The following TRMT9B variants were observed in gnomAD, a reference collection of about 807,000 sequenced individuals.
TRMT9B encodes tRNA methyltransferase 9B (putative).
A neutral mutation model predicts 11.5 loss-of-function variants in TRMT9B; 16 were observed. The observed-to-expected ratio is 1.39, with a 90% CI of 0.94 to 2.11. The LOEUF is 2.11. Among genes scored for constraint, TRMT9B ranks in the 30% most tolerant of loss-of-function variants. The pLI, the probability that TRMT9B is intolerant of heterozygous loss-of-function variation, is 0.00. For missense variants in TRMT9B, 941 were observed against 553.8 expected, an observed-to-expected ratio of 1.70 and a Z score of -7.02; for synonymous variants, 274 against 192.4, an observed-to-expected ratio of 1.42 and a Z score of -3.51.
At chr8:12,962,729 G>T (rs141315735) in intron 1 of TRMT9B, among the ~76,000 whole-genome samples, 1 of 152,130 alleles carries the variant, frequency 6.6e-6, no homozygotes, top group South Asian at 2.1e-4. Context: ...GAGCTCAAGT[G>T]ATCTTCCCAC....
chr8:12,967,209 A>G (rs1802939731), intron 1 of TRMT9B, among the ~76,000 whole-genome samples: 2 of 152,220 alleles, frequency 1.3e-5, no homozygotes, highest in African/African-American at 2.4e-5. Context: ...GATATGCACA[A>G]TGTTCAGAAA....
At chr8:12,972,028 T>C (rs181855413) in intron 1 of TRMT9B, among the ~76,000 whole-genome samples, 109 of 152,196 alleles carry the variant, frequency 7.2e-4, no homozygotes, top group Middle Eastern at 6.8e-3. Context: ...TTTTGCACAA[T>C]AGCGCAAAAA....
chr8:12,997,275 C>T (rs1440099044), intron 2 of TRMT9B, among the ~76,000 whole-genome samples: 1 of 143,402 alleles, frequency 7.0e-6, no homozygotes, highest in East Asian at 2.0e-4. Flanking sequence ...ACTTCTTGCT[C>T]TATCAGTTCA....
intron 1 of TRMT9B, among the ~76,000 whole-genome samples, chr8:12,950,563 T>TTC (rs1800520197): frequency 2.6e-5 from 4 of 152,084 alleles, no homozygotes; most frequent in African/African-American, 9.7e-5. Context: ...CTTTCTTTCT[T>TTC]TTTGAATGTG....
chr8:13,021,213 G>A lies in TRMT9B; in HGVS notation c.534G>A (p.Lys178=), dbSNP rs1343313738. 2 of 1,613,902 alleles carry A rather than the reference G, an allele frequency of 1.2e-6. No homozygotes were observed. Among genetic ancestry groups the A allele is most frequent in the Non-Finnish European group, 1.7e-6 (2 of 1,179,818 alleles). ...LFSESSQSGR[K]RQCGYPERGH... is the part of the protein sequence containing the mutation. ...CAGAGTCCAGCCAGTCTGGGAGGAA[G>A]AGGCAGTGTGGATACCCAGAAAGAG... The change falls in exon 5 of 5, where the codon AAG becomes AAA. Residue 178 remains lysine (K), a synonymous_variant. Transcript: ENST00000524591.
chr8:12,972,349 G>A (rs1585145716), intron 1 of TRMT9B, among the ~76,000 whole-genome samples: 1 of 152,304 alleles, frequency 6.6e-6, no homozygotes, highest in East Asian at 1.9e-4. Context: ...GAGAGTCCCT[G>A]AGGAGTTGGG....
Position 12,992,716 on chromosome 8 carries a change from C to T in TRMT9B, c.-2+1685C>T, listed in dbSNP as rs542882883. Among the ~76,000 whole-genome samples the T allele has an allele frequency of 5.0e-4, 76 of 151,518 alleles. No homozygotes were observed. The South Asian group carries it at 0.016, about 31-fold the overall frequency. ...AAATACAAAAAAAGAAAAAAAAAAG[C>T]CAGGTGTGACGGCATGCACCTGTGG... On this transcript the variant is annotated intron_variant, in intron 2 of 4. Transcript: ENST00000524591.
intron 1 of TRMT9B, among the ~76,000 whole-genome samples, chr8:12,988,686 C>T (rs780310018): frequency 3.4e-4 from 52 of 152,274 alleles, no homozygotes; most frequent in Admixed American, 1.2e-3. Flanking sequence ...GGTAACCACC[C>T]CTATGATTCA....
chr8:13,026,383 C>A lies in TRMT9B; in HGVS notation c.*4339C>A, dbSNP rs150990774. 197 of 162,900 alleles carry A rather than the reference C, an allele frequency of 1.2e-3. 3 individuals are homozygous for A. In the East Asian group the frequency reaches 0.037, roughly 30 times the overall value. 10.1% of individuals were successfully genotyped at this position (162,900 alleles called of 1,614,324 possible). ...CACACACTGGGACCTGTTGTGACCC[C>A]GCTGAGGGAGTTCCTCTTGCCCTCT... On this transcript the variant is annotated 3_prime_UTR_variant, in exon 5 of 5. Transcript: ENST00000524591.
chr8:13,010,839 T>A lies in TRMT9B; in HGVS notation c.155-1845T>A, dbSNP rs532676164. On this transcript the variant is annotated intron_variant, in intron 3 of 4. Transcript: ENST00000524591. ...TTTTAATTTTAAAATACTTTGTGAA[T>A]TATATTTTCCCCATGATTGCCTTCA... The A allele has an allele frequency of 3.4e-5, 33 of 982,278 alleles. No homozygotes were observed. In the African/African-American group the frequency reaches 5.8e-4, roughly 17 times the overall value. The allele number at this position is 982,278 out of a possible 1,614,324, so 60.8% of individuals were successfully genotyped here.
chr8:12,969,427 C>G (rs1803272383), intron 1 of TRMT9B, among the ~76,000 whole-genome samples: 1 of 152,090 alleles, frequency 6.6e-6, no homozygotes, highest in Non-Finnish European at 1.5e-5. Flanking sequence ...CCAGGACCCA[C>G]TCTACCCCCA....
At chr8:13,013,941 C>T (rs994219737) in intron 4 of TRMT9B, among the ~76,000 whole-genome samples, 1 of 151,898 alleles carries the variant, frequency 6.6e-6, no homozygotes, top group African/African-American at 2.4e-5. Flanking sequence ...AAGAGTGAGA[C>T]TCATCTCAAA....
At chr8:13,016,761 C>G (rs1299453505) in intron 4 of TRMT9B, among the ~76,000 whole-genome samples, 1 of 151,152 alleles carries the variant, frequency 6.6e-6, no homozygotes, top group Non-Finnish European at 1.5e-5. Context: ...CTCCTTCCCC[C>G]TTTCCCCAGA....
At position 13,012,063 on chromosome 8, in the gene TRMT9B, G is replaced by T. The variant is rs145917548; in HGVS notation, c.155-621G>T. 4,801 of 985,388 alleles carry T rather than the reference G, an allele frequency of 4.9e-3. 16 individuals carry two copies. The highest frequency in any genetic ancestry group is 0.014 in the Middle Eastern group (26 of 1,914). The allele number at this position is 985,388 out of a possible 1,614,324, so 61.0% of individuals were successfully genotyped here. A position where few individuals can be genotyped will look rare whatever the true frequency, so the allele number is the denominator to read the frequency against. ...GCTACACGTGGTCTCTCGGATACTA[G>T]AACTATCTTTCTTGCCTTGGACCAG... On this transcript the variant is annotated intron_variant, in intron 3 of 4. Transcript: ENST00000524591.
rs559870674 is a variant in TRMT9B at position 13,011,227 on chromosome 8, C to T, written c.155-1457C>T. 1.6e-5 allele frequency: 13 copies of T among 815,342 alleles called. No homozygotes were observed. The South Asian group carries it at 6.2e-4, about 39-fold the overall frequency. 50.5% of individuals were successfully genotyped at this position (815,342 alleles called of 1,614,324 possible). ...TCTCGAACTCCTGCCCTCAAGTGATCCGCCCACCACAGCCTCCCAAAGTGC... is the reference window on the plus strand; with the variant it reads ...TCTCGAACTCCTGCCCTCAAGTGATTCGCCCACCACAGCCTCCCAAAGTGC... On this transcript the variant is annotated intron_variant, in intron 3 of 4. Coordinates refer to ENST00000524591, the MANE Select transcript of TRMT9B (RefSeq NM_020844.3).
chr8:12,989,537 T>C (rs887735264), intron 1 of TRMT9B, among the ~76,000 whole-genome samples: 17 of 152,140 alleles, frequency 1.1e-4, no homozygotes, highest in African/African-American at 3.9e-4. Context: ...CCTCTTCTCA[T>C]TGGTACTCTT....
chr8:12,968,375 T>G lies in TRMT9B; in HGVS notation c.-200+22409T>G, dbSNP rs191657377. Among the ~76,000 whole-genome samples the G allele has an allele frequency of 5.5e-3, 832 of 152,310 alleles. 8 individuals are homozygous for G. The highest frequency in any genetic ancestry group is 0.019 in the African/African-American group (785 of 41,550). On this transcript the variant is annotated intron_variant, in intron 1 of 4. Coordinates refer to ENST00000524591, the MANE Select transcript of TRMT9B (RefSeq NM_020844.3). ...TTAATCTAGAAAGCCTCAGGCTTGT[T>G]GTTTGGTTGGAATTGCTGTAAAAGG...
At chr8:13,004,745 G>C (rs1200874975) in intron 2 of TRMT9B, among the ~76,000 whole-genome samples, 1 of 152,052 alleles carries the variant, frequency 6.6e-6, no homozygotes, top group Non-Finnish European at 1.5e-5. Context: ...ATTCCCATCT[G>C]TGGTGGCTAT....
At chr8:12,952,624 G>T (rs78948934) in intron 1 of TRMT9B, 5 of 940,420 alleles carry the variant, frequency 5.3e-6, no homozygotes, top group Non-Finnish European at 5.1e-6. Flanking sequence ...AAGAGGCAAA[G>T]AACTAAGATA....
Sources: allele counts gnomAD v4.1 joint callset (sites outside exome capture counted in the v4.1 genomes callset), GRCh38; gene constraint gnomAD v4.1.1; transcripts MANE v1.5; gene names NCBI Gene and HGNC (gene_info 2026-07-23, HGNC 2026-07-21).